BDP1: variants seen among roughly 807,000 people sequenced by gnomAD.
BDP1 encodes the protein transcription factor TFIIIB component B'' homolog.
In BDP1, 169 loss-of-function variants were observed where a neutral mutation model predicts 266.6. The ratio of observed to expected loss-of-function variants is 0.63; its 90% CI spans 0.56 to 0.72. The LOEUF is 0.72. Among genes scored for constraint, BDP1 ranks in the 30% least tolerant of loss-of-function variants. The probability of loss-of-function intolerance (pLI) is 0.00; values close to 1 mark genes in which losing one functional copy is unlikely to be tolerated. For missense variants in BDP1, 3,015 were observed against 3,053.8 expected (o/e 0.99, Z 0.30); for synonymous variants, 1,090 against 1,022.4 (o/e 1.07, Z -1.26).
rs530393760 is a variant in BDP1 at position 71,527,330 on chromosome 5, C to T, written c.5772+3007C>T. Among the ~76,000 whole-genome samples, 4 of 152,302 alleles carry T rather than the reference C, an allele frequency of 2.6e-5. No homozygotes were observed. The South Asian group carries it at 8.3e-4, about 32-fold the overall frequency. On this transcript the variant is annotated intron_variant, in intron 25 of 38. Coordinates refer to ENST00000358731, the MANE Select transcript of BDP1 (RefSeq NM_018429.3). ...CTGTCCCTTGAGCCCCATCTCTATG[C>T]CGTCTGGCCTGGTCACTCTCAGGTC...
Position 71,522,759 on chromosome 5 carries a change from A to G in BDP1, c.5197A>G (p.Lys1733Glu). 2 of 1,581,754 alleles carry G rather than the reference A, an allele frequency of 1.3e-6. No homozygotes were observed. The highest frequency in any genetic ancestry group is 8.5e-7 in the Non-Finnish European group (1 of 1,170,716). The change falls in exon 24 of 39, where the codon AAA becomes GAA. Residue 1733 changes from lysine to glutamate, a missense_variant. Lys to Glu is a moderately conservative substitution (Grantham distance 56). Coordinates refer to ENST00000358731, the MANE Select transcript of BDP1 (RefSeq NM_018429.3). Reference sequence around the variant, plus strand: ...CTAATTTCTTCTTAAATTTAAGGAAAAAGCTGAGCTTCTGACATCTCTGGA... The same window carrying G: ...CTAATTTCTTCTTAAATTTAAGGAAGAAGCTGAGCTTCTGACATCTCTGGA... ...ASNTQLLLKEKAELLTSLEVS... is the reference protein window; with the variant it reads ...ASNTQLLLKEEAELLTSLEVS...
chr5:71,531,831 TC>T lies in BDP1; in HGVS notation c.5773-476del, dbSNP rs369285748. Among the ~76,000 whole-genome samples, 75 of 152,326 alleles carry T rather than the reference TC, an allele frequency of 4.9e-4. 1 individual carries two copies. In the East Asian group the frequency reaches 9.5e-3, roughly 19 times the overall value. ...GCCCGATAAATACTTCTAAGGGCTT[TC>T]AACTCATTATAGATAGCATTTATGA... On this transcript the variant is annotated intron_variant, in intron 25 of 38. Transcript: ENST00000358731.
At chr5:71,525,083 T>C (rs1263344805) in intron 25 of BDP1, among the ~76,000 whole-genome samples, 1 of 151,756 alleles carries the variant, frequency 6.6e-6, no homozygotes, top group South Asian at 2.1e-4. Context: ...TTTTCCCCAC[T>C]GTTCCCCCCT....
intron 16 of BDP1, among the ~76,000 whole-genome samples, chr5:71,506,327 G>A (rs1342543056): frequency 6.6e-6 from 1 of 152,106 alleles, no homozygotes; most frequent in Non-Finnish European, 1.5e-5. Context: ...TGAATCTCCA[G>A]AATCCTCAAA....
chr5:71,570,472 G>A (rs78929605), downstream of BDP1, among the ~76,000 whole-genome samples: 915 of 152,320 alleles, frequency 6.0e-3, 6 homozygotes, highest in African/African-American at 0.02. Flanking sequence ...CCACTATGGA[G>A]ACTTGAGTTT....
intron 34 of BDP1, among the ~76,000 whole-genome samples, chr5:71,552,883 G>T (rs1031035617): frequency 6.6e-6 from 1 of 152,150 alleles, no homozygotes; most frequent in Admixed American, 6.5e-5. Flanking sequence ...TCAATACTAT[G>T]GAATTTAAGT....
At position 71,509,090 on chromosome 5, in the gene BDP1, A is replaced by C. The variant is rs541272657; in HGVS notation, c.2373-375A>C. On this transcript the variant is annotated intron_variant, in intron 16 of 38. Coordinates refer to ENST00000358731, the MANE Select transcript of BDP1 (RefSeq NM_018429.3). ...CAAACCATTTGTCTGTATAAAAGAT[A>C]GAAGGGATGAAGAGGTAGAAATAGC... Among the ~76,000 whole-genome samples, 26 of 152,304 alleles carry C rather than the reference A, an allele frequency of 1.7e-4. No homozygotes were observed. In the South Asian group the frequency reaches 1.9e-3, roughly 11 times the overall value.
Position 71,553,079 on chromosome 5 carries a change from A to C in BDP1, c.6996-37A>C, listed in dbSNP as rs368069443. 1.4e-5 allele frequency: 21 copies of C among 1,478,936 alleles called. No individual in the cohort carries two copies. The African/African-American group carries it at 2.7e-4, about 19-fold the overall frequency. 91.6% of individuals were successfully genotyped at this position (1,478,936 alleles called of 1,614,324 possible). Reference sequence around the variant, plus strand: ...AAAAAAAAAGTGTTAAATAACTTCTAATTCAGTAATTTAGTATGTATTTCT... The same window carrying C: ...AAAAAAAAAGTGTTAAATAACTTCTCATTCAGTAATTTAGTATGTATTTCT... On this transcript the variant is annotated intron_variant, in intron 34 of 38. Coordinates refer to ENST00000358731, the MANE Select transcript of BDP1 (RefSeq NM_018429.3).
intron 35 of BDP1, among the ~76,000 whole-genome samples, chr5:71,555,495 A>G (rs1175455752): frequency 6.7e-6 from 1 of 149,882 alleles, no homozygotes; most frequent in Non-Finnish European, 1.5e-5. Context: ...GCTGGAGTGC[A>G]ATAGCGTGAT....
In BDP1 at chr5:71,549,499, T is replaced by C. The variant is rs1424274680; in HGVS notation, c.6888T>C (p.Asn2296=). Residue 2296 remains asparagine, a synonymous_variant, in exon 34 of 39, where the codon AAT becomes AAC. Transcript: ENST00000358731. ...FILTLVEIPA[N]AVEEFTDATA... ...TAACTCTGGTGGAAATCCCAGCCAA[T>C]GCAGTAGAAGAATTTACTGATGCCA... 6.2e-7 allele frequency: 1 copy of C among 1,614,178 alleles called. No homozygotes were observed. Among genetic ancestry groups the C allele is most frequent in the Non-Finnish European group, 8.5e-7 (1 of 1,180,012 alleles).
At chr5:71,526,930 C>A (rs1370875040) in intron 25 of BDP1, among the ~76,000 whole-genome samples, 1 of 152,096 alleles carries the variant, frequency 6.6e-6, no homozygotes, top group East Asian at 1.9e-4. Flanking sequence ...AAGCAATCCA[C>A]CTGCCTCGGC....
At chr5:71,516,869 T>C (rs936157003) in intron 21 of BDP1, among the ~76,000 whole-genome samples, 5 of 152,180 alleles carry the variant, frequency 3.3e-5, no homozygotes, top group Non-Finnish European at 7.3e-5. Context: ...TAAAATAATC[T>C]TTATTTGAAC....
chr5:71,480,463 T>C (rs1263124282), intron 7 of BDP1, among the ~76,000 whole-genome samples: 1 of 151,344 alleles, frequency 6.6e-6, no homozygotes, highest in African/African-American at 2.4e-5. Context: ...AGAGGTGGGG[T>C]TTCATCACGT....
At chr5:71,496,936 A>G (rs1160881339) in intron 12 of BDP1, among the ~76,000 whole-genome samples, 1 of 152,108 alleles carries the variant, frequency 6.6e-6, no homozygotes, top group Admixed American at 6.5e-5. Context: ...TCCTCACTGT[A>G]TTGTATTGCA....
chr5:71,495,417 T>C lies in BDP1; in HGVS notation c.1799+9T>C. ...CTAAAAAATAATTCACTGTAAGTAT[T>C]TTATACGATAGGATTTATTTATAAA... On this transcript the variant is annotated intron_variant, in intron 12 of 38. Coordinates refer to ENST00000358731, the MANE Select transcript of BDP1 (RefSeq NM_018429.3). 1.3e-6 allele frequency: 2 copies of C among 1,541,358 alleles called. No individual in the cohort carries two copies. The highest frequency in any genetic ancestry group is 1.8e-5 in the Admixed American group (1 of 54,648).
At chr5:71,500,516 G>A (rs776937130) in intron 13 of BDP1, among the ~76,000 whole-genome samples, 2 of 151,254 alleles carry the variant, frequency 1.3e-5, no homozygotes, top group African/African-American at 2.4e-5. Context: ...TAATAGAAAC[G>A]GGGTTTCACC....
intron 32 of BDP1, among the ~76,000 whole-genome samples, chr5:71,548,335 C>A (rs771681889): frequency 6.6e-5 from 10 of 152,156 alleles, no homozygotes; most frequent in Non-Finnish European, 1.3e-4. Context: ...ATACTGCATG[C>A]AGGGAAAGCA....
At chr5:71,468,675 C>T (rs1344606735) in intron 6 of BDP1, among the ~76,000 whole-genome samples, 6 of 145,000 alleles carry the variant, frequency 4.1e-5, no homozygotes, top group African/African-American at 7.6e-5. Context: ...GGCGCGATCT[C>T]GGCTCACTGC....
intron 6 of BDP1, among the ~76,000 whole-genome samples, chr5:71,467,839 G>GA (rs1205940138): frequency 6.6e-6 from 1 of 151,638 alleles, no homozygotes; most frequent in Admixed American, 6.6e-5. Flanking sequence ...AAAAAATTAA[G>GA]AAAAAAAATT....
Sources: gnomAD v4.1 joint callset for allele counts (sites outside exome capture counted in the v4.1 genomes callset) on GRCh38, gnomAD v4.1.1 for gene constraint, MANE v1.5 for transcripts, NCBI Gene and HGNC (gene_info 2026-07-23, HGNC 2026-07-21) for gene names.